The following CNTN5 variants were observed in gnomAD, a reference collection of about 807,000 sequenced individuals.
The protein encoded by CNTN5 is contactin 5, also known as contactin-5.
CNTN5 carries 77 observed loss-of-function variants against 129.1 expected under a neutral mutation model. The ratio of observed to expected loss-of-function variants is 0.60; its 90% CI spans 0.50 to 0.72. The LOEUF (loss-of-function observed/expected upper bound fraction) is 0.72. CNTN5 is among the 30% of genes least tolerant of loss of function. CNTN5 has a pLI of 0.00. For synonymous variants in CNTN5, 509 were observed against 465.6 expected (o/e 1.09, Z -1.20); for missense variants, 1,478 against 1,328.8 (o/e 1.11, Z -1.75).
chr11:100,275,308 A>T (rs1176215144), intron 18 of CNTN5, among the ~76,000 whole-genome samples: 2 of 152,226 alleles, frequency 1.3e-5, no homozygotes, highest in Non-Finnish European at 2.9e-5. Context: ...GTGTTCATTA[A>T]TTAAGAGCAT....
rs901963881 is a variant in CNTN5, at chr11:99,987,309, T to G, written c.878-14725T>G. ...AAAGTGAAAACAGATATGGAACAAA[T>G]GGGTAGAAATGCCATTAGATTGAAT... On this transcript the variant is annotated intron_variant, in intron 8 of 24. Transcript: ENST00000524871. Among the ~76,000 whole-genome samples the G allele has an allele frequency of 6.8e-4, 103 of 151,926 alleles. 2 individuals are homozygous for G. The highest frequency in any genetic ancestry group is 2.5e-3 in the African/African-American group (103 of 41,394).
intron 3 of CNTN5, among the ~76,000 whole-genome samples, chr11:99,630,055 C>A (rs1951282090): frequency 6.6e-6 from 1 of 151,502 alleles, no homozygotes; most frequent in South Asian, 2.1e-4. Context: ...ATTGGTAACT[C>A]CCATGCTAGA....
intron 1 of CNTN5, among the ~76,000 whole-genome samples, chr11:99,112,663 T>C (rs1857853347): frequency 6.6e-6 from 1 of 151,984 alleles, no homozygotes. Flanking sequence ...TACATTTAAG[T>C]GCCCTTCAGG....
intron 18 of CNTN5, among the ~76,000 whole-genome samples, chr11:100,295,641 C>T (rs1007542326): frequency 6.6e-6 from 1 of 151,246 alleles, no homozygotes; most frequent in Non-Finnish European, 1.5e-5. Context: ...GAGCCTAGAG[C>T]CTACTCTAAA....
chr11:99,870,736 C>G (rs1948483106), intron 6 of CNTN5, among the ~76,000 whole-genome samples: 1 of 152,058 alleles, frequency 6.6e-6, no homozygotes, highest in Admixed American at 6.6e-5. Flanking sequence ...AGGCAGTGAT[C>G]TCACCAAAAC....
In CNTN5 at chr11:99,942,931, T is replaced by G. The variant is rs1274834003; in HGVS notation, c.674-13875T>G. Among the ~76,000 whole-genome samples, 3 of 152,156 alleles carry G rather than the reference T, an allele frequency of 2.0e-5. No individual in the cohort carries two copies. The East Asian group carries it at 5.8e-4, about 29-fold the overall frequency. Reference sequence around the variant, plus strand: ...TATGTGGTGTATATGTACCACATTTTCTTTATCCAGTCTATCATTGATAAG... The same window carrying G: ...TATGTGGTGTATATGTACCACATTTGCTTTATCCAGTCTATCATTGATAAG... On this transcript the variant is annotated intron_variant, in intron 7 of 24. Coordinates refer to ENST00000524871, the MANE Select transcript of CNTN5 (RefSeq NM_014361.4).
chr11:100,295,344 A>C (rs560451676), intron 18 of CNTN5, among the ~76,000 whole-genome samples: 11 of 151,662 alleles, frequency 7.3e-5, no homozygotes, highest in South Asian at 6.2e-4. Flanking sequence ...TACTTTCAAA[A>C]AATGAATTAA....
chr11:100,333,182 G>A (rs188496629), intron 21 of CNTN5, among the ~76,000 whole-genome samples: 9 of 151,876 alleles, frequency 5.9e-5, no homozygotes, highest in Non-Finnish European at 1.3e-4. Flanking sequence ...TTTTACAATA[G>A]CTGAAAAAAA....
intron 21 of CNTN5, chr11:100,337,709 C>CAGGT: frequency 2.0e-6 from 1 of 509,018 alleles, no homozygotes; most frequent in Non-Finnish European, 3.8e-6. Context: ...TATGTTTAGC[C>CAGGT]AGGTGGCTTC....
At chr11:100,285,704 G>T (rs1424596633) in intron 18 of CNTN5, among the ~76,000 whole-genome samples, 1 of 152,176 alleles carries the variant, frequency 6.6e-6, no homozygotes, top group African/African-American at 2.4e-5. Context: ...TGACTCAAAT[G>T]GAAAATTATA....
chr11:100,035,248 C>T (rs1165473877), intron 9 of CNTN5, among the ~76,000 whole-genome samples: 1 of 151,532 alleles, frequency 6.6e-6, no homozygotes. Flanking sequence ...TGATAGTTTA[C>T]TGAGAATGAT....
intron 1 of CNTN5, among the ~76,000 whole-genome samples, chr11:99,062,484 A>G (rs895680487): frequency 6.6e-6 from 1 of 152,138 alleles, no homozygotes; most frequent in Non-Finnish European, 1.5e-5. Flanking sequence ...GAACACTAAC[A>G]TAACAGCCAG....
At chr11:99,575,266 A>G (rs939333524) in intron 3 of CNTN5, among the ~76,000 whole-genome samples, 10 of 152,190 alleles carry the variant, frequency 6.6e-5, no homozygotes, top group Admixed American at 1.3e-4. Context: ...ATACTTAAAG[A>G]AAGTTAAGAG....
chr11:99,515,136 G>T (rs1029481897), intron 2 of CNTN5, among the ~76,000 whole-genome samples: 1 of 151,982 alleles, frequency 6.6e-6, no homozygotes, highest in Non-Finnish European at 1.5e-5. Context: ...AGCTCTGTTG[G>T]TTCAGTATGT....
At chr11:99,753,998 AAT>A (rs112073326) in intron 3 of CNTN5, among the ~76,000 whole-genome samples, 7,531 of 148,648 alleles carry the variant, frequency 0.051, 225 homozygotes, top group South Asian at 0.1. Flanking sequence ...AAAAAAAAAA[AAT>A]AAATAACAAC....
At chr11:100,275,590 G>T (rs971921647) in intron 18 of CNTN5, among the ~76,000 whole-genome samples, 1 of 152,104 alleles carries the variant, frequency 6.6e-6, no homozygotes, top group Non-Finnish European at 1.5e-5. Flanking sequence ...ATTTTAGCAA[G>T]ATCACTTTTA....
chr11:99,412,240 TG>T (rs1250970448), intron 2 of CNTN5, among the ~76,000 whole-genome samples: 4 of 152,204 alleles, frequency 2.6e-5, no homozygotes, highest in Non-Finnish European at 5.9e-5. Context: ...GATACTGTAC[TG>T]TACATTGGTG....
At chr11:99,791,411 G>A (rs1119255) in intron 3 of CNTN5, among the ~76,000 whole-genome samples, 88,339 of 151,826 alleles carry the variant, frequency 0.58, 26,416 homozygotes, top group East Asian at 0.72. Context: ...GACTTTCCCC[G>A]TCACTTATTT....
chr11:99,212,086 T>G (rs1394779445), intron 1 of CNTN5, among the ~76,000 whole-genome samples: 1 of 152,204 alleles, frequency 6.6e-6, no homozygotes, highest in Non-Finnish European at 1.5e-5. Context: ...AACTCAAATT[T>G]AATAAGGCAT....
Sources: gnomAD v4.1 joint callset for allele counts (sites outside exome capture counted in the v4.1 genomes callset) on GRCh38, gnomAD v4.1.1 for gene constraint, MANE v1.5 for transcripts, NCBI Gene and HGNC (gene_info 2026-07-23, HGNC 2026-07-21) for gene names.